Variants in CDH20 observed in about 807,000 individuals in gnomAD.
CDH20 encodes cadherin-20.
CDH20 carries 29 observed loss-of-function variants against 74.2 expected under a neutral mutation model. The ratio of observed to expected loss-of-function variants is 0.39; its 90% CI spans 0.29 to 0.53. The LOEUF (loss-of-function observed/expected upper bound fraction) is 0.53. Among genes scored for constraint, CDH20 ranks in the 20% least tolerant of loss-of-function variants. CDH20 has a pLI of 0.69. For synonymous variants in CDH20, 469 were observed against 405.4 expected, an observed-to-expected ratio of 1.16 and a Z score of -1.88; for missense variants, 988 against 1,048.3, an observed-to-expected ratio of 0.94 and a Z score of 0.79.
intron 1 of CDH20, among the ~76,000 whole-genome samples, chr18:61,411,387 A>G (rs1339159473): frequency 6.6e-6 from 1 of 152,150 alleles, no homozygotes; most frequent in African/African-American, 2.4e-5. Flanking sequence ...CATTTGATCC[A>G]GCAATCCCAC....
intron 10 of CDH20, 97 bp downstream of exon 10, chr18:61,545,241 T>C: frequency 1.3e-6 from 1 of 796,786 alleles, no homozygotes. Context: ...AGGCTACCTG[T>C]TCCATACCAG....
chr18:61,420,695 G>T (rs560862365), intron 1 of CDH20, among the ~76,000 whole-genome samples: 2 of 152,232 alleles, frequency 1.3e-5, no homozygotes, highest in East Asian at 3.9e-4. Flanking sequence ...CTCTTGCAAG[G>T]AATTGCAATG....
chr18:61,375,842 T>C (rs1469896803), intron 1 of CDH20, among the ~76,000 whole-genome samples: 1 of 152,120 alleles, frequency 6.6e-6, no homozygotes, highest in African/African-American at 2.4e-5. Context: ...GTCTTTAATC[T>C]CTTACATTTT....
intron 1 of CDH20, among the ~76,000 whole-genome samples, chr18:61,419,380 G>T (rs558612128): frequency 5.1e-4 from 77 of 152,240 alleles, no homozygotes; most frequent in African/African-American, 1.8e-3. Context: ...TAATAAAATT[G>T]CTAAACATCC....
intron 1 of CDH20, among the ~76,000 whole-genome samples, chr18:61,385,346 T>C (rs1449276743): frequency 3.3e-5 from 5 of 152,040 alleles, no homozygotes; most frequent in African/African-American, 9.7e-5. Flanking sequence ...AACAAGAATA[T>C]AGATTAAAAT....
intron 1 of CDH20, among the ~76,000 whole-genome samples, chr18:61,399,600 T>TTTAATATTTGTTCAC (rs1477478473): frequency 6.6e-6 from 1 of 152,164 alleles, no homozygotes; most frequent in Non-Finnish European, 1.5e-5. Context: ...GAAATCAGTC[T>TTTAATATTTGTTCAC]TTAATATTTG....
intron 1 of CDH20, among the ~76,000 whole-genome samples, chr18:61,431,416 T>C (rs771814934): frequency 2.0e-5 from 3 of 152,214 alleles, no homozygotes; most frequent in Non-Finnish European, 2.9e-5. Flanking sequence ...TTAATAATGA[T>C]ATATCAATAC....
At chr18:61,545,992 T>A (rs112044904) in intron 10 of CDH20, among the ~76,000 whole-genome samples, 2 of 152,268 alleles carry the variant, frequency 1.3e-5, no homozygotes, top group African/African-American at 4.8e-5. Flanking sequence ...GGAAGGACTT[T>A]TGTTCTGTAG....
intron 1 of CDH20, among the ~76,000 whole-genome samples, chr18:61,364,499 A>T (rs1910798675): frequency 1.3e-5 from 2 of 152,086 alleles, no homozygotes; most frequent in South Asian, 4.1e-4. Flanking sequence ...TTTAGTAGAG[A>T]TGTGGTTTCT....
chr18:61,497,813 C>T (rs1172690630), intron 2 of CDH20, among the ~76,000 whole-genome samples: 3 of 152,154 alleles, frequency 2.0e-5, no homozygotes. Flanking sequence ...ATATTGGCCT[C>T]CCTGCCCCAA....
rs1180079679 is a variant in CDH20, at chr18:61,353,063, A to T, written c.-153+19236A>T. Among the ~76,000 whole-genome samples, 5 of 152,206 alleles carry T rather than the reference A, an allele frequency of 3.3e-5. No individual in the cohort carries two copies. The highest frequency in any genetic ancestry group is 1.2e-4 in the African/African-American group (5 of 41,444). ...CTCTAGCAACCTTCACATGCTGTCC[A>T]TAGCTTCTATTTTATGGCTACCCTG... is the stretch of plus-strand genomic sequence containing the variant. On this transcript the variant is annotated intron_variant, in intron 1 of 11. Transcript: ENST00000262717. The surrounding 1 kb of genome is among the most constrained non-coding windows in gnomAD (Gnocchi z 4.6).
chr18:61,508,130 A>G (rs1442659582), intron 6 of CDH20, among the ~76,000 whole-genome samples: 1 of 152,242 alleles, frequency 6.6e-6, no homozygotes, highest in Non-Finnish European at 1.5e-5. Flanking sequence ...TGTGACATAA[A>G]GCACATATGG....
intron 1 of CDH20, among the ~76,000 whole-genome samples, chr18:61,343,612 T>C (rs939208677): frequency 8.5e-5 from 13 of 152,154 alleles, no homozygotes; most frequent in African/African-American, 3.1e-4. Context: ...ACACTGTACC[T>C]GAGCTGTGTA....
At chr18:61,539,505 T>C (rs1308080801) in intron 9 of CDH20, among the ~76,000 whole-genome samples, 1 of 152,154 alleles carries the variant, frequency 6.6e-6, no homozygotes, top group African/African-American at 2.4e-5. Flanking sequence ...AAACAGCACT[T>C]TGAGGGTGGC....
chr18:61,475,416 T>A (rs1305169245), intron 1 of CDH20, among the ~76,000 whole-genome samples: 1 of 152,166 alleles, frequency 6.6e-6, no homozygotes, highest in Non-Finnish European at 1.5e-5. Context: ...AAACTGGAAA[T>A]AAATGATATC....
chr18:61,419,369 T>C (rs535451993), intron 1 of CDH20, among the ~76,000 whole-genome samples: 10 of 152,328 alleles, frequency 6.6e-5, no homozygotes, highest in Admixed American at 1.3e-4. Context: ...TTTAGGGCAA[T>C]TAATAAAATT....
chr18:61,518,275 C>T (rs1049540094), intron 6 of CDH20, among the ~76,000 whole-genome samples: 1 of 152,206 alleles, frequency 6.6e-6, no homozygotes, highest in Non-Finnish European at 1.5e-5. Flanking sequence ...CTCTAAGGGA[C>T]AGACTGCCTC....
intron 1 of CDH20, among the ~76,000 whole-genome samples, chr18:61,470,603 A>G (rs1910135557): frequency 6.6e-6 from 1 of 151,234 alleles, no homozygotes; most frequent in African/African-American, 2.5e-5. Context: ...AAGAACCTGG[A>G]AAGAAAAAAA....
intron 11 of CDH20, 31 bp from the exon 12 acceptor site, chr18:61,554,159 G>A (rs1308855667): frequency 6.3e-7 from 1 of 1,588,368 alleles, no homozygotes; most frequent in African/African-American, 1.3e-5. Flanking sequence ...CATCTCCTCG[G>A]TAAACACACT....
Sources: gnomAD v4.1 joint callset for allele counts (sites outside exome capture counted in the v4.1 genomes callset) on GRCh38, gnomAD v4.1.1 for gene constraint, Gnocchi (gnomAD v3.1) non-coding constraint, MANE v1.5 for transcripts, NCBI Gene and HGNC (gene_info 2026-07-23, HGNC 2026-07-21) for gene names.